Variants in NFATC1 observed in about 807,000 individuals in gnomAD.
NFATC1 encodes nuclear factor of activated T cells 1, also known as nuclear factor of activated T-cells, cytoplasmic 1.
NFATC1 carries 22 observed loss-of-function variants against 76.0 expected under a neutral mutation model. The ratio of observed to expected loss-of-function variants is 0.29; its 90% CI spans 0.21 to 0.41. The LOEUF (loss-of-function observed/expected upper bound fraction) is 0.41, where lower values mean the gene tolerates loss of function less well. Ranked by LOEUF, NFATC1 falls within the 10% of genes least tolerant of loss-of-function variation. NFATC1 has a pLI of 1.00. For missense variants in NFATC1, 1,357 were observed against 1,337.7 expected, an observed-to-expected ratio of 1.01 and a Z score of -0.23; for synonymous variants, 704 against 613.1, an observed-to-expected ratio of 1.15 and a Z score of -2.19.
intron 6 of NFATC1, chr18:79,452,028 G>A: frequency 1.9e-6 from 1 of 525,666 alleles, no homozygotes; most frequent in Non-Finnish European, 3.1e-6. Flanking sequence ...GGAAGAGGTG[G>A]ATGTTTATTT....
chr18:79,497,705 T>A (rs2089924451), intron 9 of NFATC1: 1 of 151,788 alleles, frequency 6.6e-6, no homozygotes, highest in Non-Finnish European at 1.5e-5. Context: ...CTTCTCTGGC[T>A]GACCTCAAAA....
chr18:79,435,951 A>T (rs1174417926), intron 3 of NFATC1, among the ~76,000 whole-genome samples: 1 of 151,658 alleles, frequency 6.6e-6, no homozygotes, highest in African/African-American at 2.4e-5. Context: ...GAGTTTTGTG[A>T]TGTATCTGTG....
At chr18:79,459,993 G>A (rs190481255) in intron 6 of NFATC1, among the ~76,000 whole-genome samples, 2 of 152,314 alleles carry the variant, frequency 1.3e-5, no homozygotes, top group East Asian at 1.9e-4. Flanking sequence ...GGCTTCAAGC[G>A]CAACTGAGTG....
intron 9 of NFATC1, among the ~76,000 whole-genome samples, chr18:79,517,853 G>A (rs1054543588): frequency 1.3e-5 from 2 of 152,214 alleles, no homozygotes; most frequent in African/African-American, 4.8e-5. Flanking sequence ...GTACCTATAT[G>A]AACAAATATG....
chr18:79,518,867 G>A (rs1463689324), intron 9 of NFATC1, among the ~76,000 whole-genome samples: 1 of 152,268 alleles, frequency 6.6e-6, no homozygotes, highest in African/African-American at 2.4e-5. Flanking sequence ...CACGGTGCAG[G>A]CAGGAGGCAC....
At chr18:79,492,979 G>A (rs1193994076) in intron 9 of NFATC1, among the ~76,000 whole-genome samples, 1 of 138,104 alleles carries the variant, frequency 7.2e-6, no homozygotes, top group African/African-American at 2.8e-5. Flanking sequence ...TTTCAGAAGT[G>A]CTTGACCCAT....
chr18:79,521,741 T>G (rs1198278291), intron 9 of NFATC1, among the ~76,000 whole-genome samples: 5 of 42,314 alleles, frequency 1.2e-4, no homozygotes, highest in Admixed American at 4.2e-4. Context: ...GTGTGTGGGG[T>G]GCATCCACAG....
At position 79,455,746 on chromosome 18, in the gene NFATC1, T is replaced by TCC. The variant is rs1555910047; in HGVS notation, c.1903+3931_1903+3932insCC. ...GTGGGACCCCAGCTCGCCCCCCATC[T>TCC]CACGGCCGCCCCATCCCACGGCCGC... is the stretch of plus-strand genomic sequence containing the variant. On this transcript the variant is annotated intron_variant, in intron 6 of 9. Coordinates refer to ENST00000427363, the MANE Select transcript of NFATC1 (RefSeq NM_001278669.2). Among the ~76,000 whole-genome samples the TCC allele has an allele frequency of 6.1e-5, 9 of 148,364 alleles. No homozygotes were observed. The East Asian group carries it at 1.4e-3, about 24-fold the overall frequency.
intron 9 of NFATC1, among the ~76,000 whole-genome samples, chr18:79,510,289 T>C (rs565763861): frequency 1.1e-3 from 163 of 151,944 alleles, no homozygotes; most frequent in African/African-American, 3.8e-3. Context: ...AAAGATGACA[T>C]AGAATGAGTG....
chr18:79,436,718 T>C (rs560035679), intron 3 of NFATC1, among the ~76,000 whole-genome samples: 2 of 151,930 alleles, frequency 1.3e-5, no homozygotes, highest in East Asian at 3.9e-4. Context: ...TACTTGTGGG[T>C]GCTGAGGGGC....
In NFATC1 at chr18:79,400,261, GCGGGGGCGGGGCGGGGA is replaced by G. The variant is rs1416221098; in HGVS notation, c.127+3917_127+3933del. 1.8e-5 allele frequency: 21 copies of G among 1,179,088 alleles called. No individual in the cohort carries two copies. In the East Asian group the frequency reaches 5.0e-4, roughly 28 times the overall value. The allele number at this position is 1,179,088 out of a possible 1,614,324, so 73.0% of individuals were successfully genotyped here. ...TGTAAACCCGGAAACGCCCCGGGGG[GCGGGGGCGGGGCGGGGA>G]CGGGGGGAGGGGCGGGGGTCACGTT... On this transcript the variant is annotated intron_variant, in intron 1 of 9. Transcript: ENST00000427363.
intron 9 of NFATC1, among the ~76,000 whole-genome samples, chr18:79,491,858 G>GT (rs2089689816): frequency 1.3e-5 from 2 of 152,122 alleles, no homozygotes; most frequent in Non-Finnish European, 2.9e-5. Flanking sequence ...ACCCAGCCAT[G>GT]TTTGAGAGGC....
intron 4 of NFATC1, among the ~76,000 whole-genome samples, chr18:79,450,131 C>G (rs946261042): frequency 5.9e-5 from 9 of 152,180 alleles, no homozygotes; most frequent in African/African-American, 2.2e-4. Flanking sequence ...GGGAGACGCC[C>G]GCAGCCAGGA....
At chr18:79,492,307 C>T (rs117314573) in intron 9 of NFATC1, among the ~76,000 whole-genome samples, 124 of 152,226 alleles carry the variant, frequency 8.1e-4, no homozygotes, top group Non-Finnish European at 1.4e-3. Context: ...AGGCTGGGCA[C>T]GGTGGCTCAC....
At chr18:79,444,567 A>T (rs1308576259) in intron 3 of NFATC1, among the ~76,000 whole-genome samples, 1 of 152,244 alleles carries the variant, frequency 6.6e-6, no homozygotes, top group African/African-American at 2.4e-5. Flanking sequence ...CGTCCGGCAG[A>T]TGAAGCTGCC....
intron 3 of NFATC1, among the ~76,000 whole-genome samples, chr18:79,447,555 A>G (rs940920193): frequency 1.3e-5 from 2 of 152,148 alleles, no homozygotes; most frequent in African/African-American, 2.4e-5. Flanking sequence ...CGGGCCTTGC[A>G]TGGATTTTGC....
At position 79,415,367 on chromosome 18, in the gene NFATC1, T is replaced by C. The variant is rs534098729; in HGVS notation, c.1226+3866T>C. Among the ~76,000 whole-genome samples, 10 of 152,232 alleles carry C rather than the reference T, an allele frequency of 6.6e-5. No individual in the cohort carries two copies. The South Asian group carries it at 2.1e-3, about 32-fold the overall frequency. On this transcript the variant is annotated intron_variant, in intron 2 of 9. Coordinates refer to ENST00000427363, the MANE Select transcript of NFATC1 (RefSeq NM_001278669.2). ...GCACAATCTCGGCTCACTGCAAGCTTTGCCTCCTGGGTTCACGCCATTCTC... is the reference window on the plus strand; with the variant it reads ...GCACAATCTCGGCTCACTGCAAGCTCTGCCTCCTGGGTTCACGCCATTCTC...
intron 9 of NFATC1, among the ~76,000 whole-genome samples, chr18:79,500,558 T>C (rs2089990605): frequency 1.3e-5 from 2 of 151,534 alleles, no homozygotes; most frequent in African/African-American, 2.4e-5. Context: ...AGCAATGAAA[T>C]AGAAACATGA....
At chr18:79,484,939 G>A (rs1269177017) in intron 8 of NFATC1, among the ~76,000 whole-genome samples, 5 of 152,254 alleles carry the variant, frequency 3.3e-5, no homozygotes, top group African/African-American at 4.8e-5. Context: ...TCCATCGTTC[G>A]CAGCTGCTGG....
Sources: gnomAD v4.1 joint callset for allele counts (sites outside exome capture counted in the v4.1 genomes callset) on GRCh38, gnomAD v4.1.1 for gene constraint, MANE v1.5 for transcripts, NCBI Gene and HGNC (gene_info 2026-07-23, HGNC 2026-07-21) for gene names.